The following AK4 variants were observed in gnomAD, a reference collection of about 807,000 sequenced individuals.
AK4 encodes the protein adenylate kinase 4, also known as adenylate kinase 4, mitochondrial.
In AK4, 13 loss-of-function variants were observed where a neutral mutation model predicts 24.6. That is an observed-to-expected ratio of 0.53 (90% confidence interval 0.34 to 0.84). The LOEUF (loss-of-function observed/expected upper bound fraction) is 0.84, where lower values mean the gene tolerates loss of function less well. AK4 is among the 40% of genes least tolerant of loss of function. The probability of loss-of-function intolerance (pLI) is 0.01; values close to 1 mark genes in which losing one functional copy is unlikely to be tolerated. For missense variants in AK4, 192 were observed against 288.2 expected, an observed-to-expected ratio of 0.67 and a Z score of 2.42; for synonymous variants, 88 against 107.0, an observed-to-expected ratio of 0.82 and a Z score of 1.10.
chr1:65,199,276 G>A (rs1015721081), intron 2 of AK4, among the ~76,000 whole-genome samples: 5 of 151,970 alleles, frequency 3.3e-5, no homozygotes, highest in Non-Finnish European at 5.9e-5. Flanking sequence ...TGGGCTGGGT[G>A]CGGTGGCTCA....
At chr1:65,200,792 A>C (rs539571252) in intron 2 of AK4, among the ~76,000 whole-genome samples, 1 of 144,796 alleles carries the variant, frequency 6.9e-6, no homozygotes, top group Non-Finnish European at 1.5e-5. Flanking sequence ...TGGTGTTTTC[A>C]GCTGGGTTTT....
At chr1:65,150,581 C>A (rs546834318) in intron 1 of AK4, among the ~76,000 whole-genome samples, 1 of 152,278 alleles carries the variant, frequency 6.6e-6, no homozygotes, top group South Asian at 2.1e-4. Flanking sequence ...ATCTTATAGG[C>A]TTACTGCCTG....
At chr1:65,174,657 C>T (rs1474812950) in intron 1 of AK4, among the ~76,000 whole-genome samples, 1 of 152,144 alleles carries the variant, frequency 6.6e-6, no homozygotes, top group Non-Finnish European at 1.5e-5. Flanking sequence ...CAAAGAATTA[C>T]GGTGTGAGAG....
At chr1:65,160,841 T>G (rs1650135308) in intron 1 of AK4, among the ~76,000 whole-genome samples, 2 of 152,304 alleles carry the variant, frequency 1.3e-5, no homozygotes, top group Admixed American at 1.3e-4. Flanking sequence ...GTGATCTGCC[T>G]GCATCGGCTT....
chr1:65,205,568 C>T (rs765197697), intron 2 of AK4, among the ~76,000 whole-genome samples: 19 of 152,044 alleles, frequency 1.2e-4, no homozygotes, highest in Non-Finnish European at 2.8e-4. Flanking sequence ...TTTTTTTTCA[C>T]CCCGTATAGA....
intron 2 of AK4, among the ~76,000 whole-genome samples, chr1:65,211,034 A>G (rs192398750): frequency 3.5e-4 from 53 of 152,310 alleles, no homozygotes; most frequent in Admixed American, 7.8e-4. Flanking sequence ...TCATTGCAGT[A>G]TGACTGGAAA....
chr1:65,154,093 TGCCTGCTGTGTGGAGAG>T (rs1649891835), intron 1 of AK4, among the ~76,000 whole-genome samples: 1 of 152,220 alleles, frequency 6.6e-6, no homozygotes, highest in Non-Finnish European at 1.5e-5. Context: ...GTTGATCTTT[TGCCTGCTGTGTGGAGAG>T]GTGACTCAGG....
chr1:65,183,011 T>A (rs1650961148), intron 1 of AK4, among the ~76,000 whole-genome samples: 4 of 152,172 alleles, frequency 2.6e-5, no homozygotes, highest in Admixed American at 2.0e-4. Context: ...TCCCAGTGTT[T>A]AAGACTCTGA....
intron 1 of AK4, among the ~76,000 whole-genome samples, chr1:65,160,818 T>G (rs955935376): frequency 2.0e-5 from 3 of 152,152 alleles, no homozygotes; most frequent in Admixed American, 6.5e-5. Flanking sequence ...TGGTCTTGCA[T>G]TTCTGGCCTC....
chr1:65,163,152 T>G (rs917714384), intron 1 of AK4, among the ~76,000 whole-genome samples: 2 of 152,246 alleles, frequency 1.3e-5, no homozygotes, highest in Non-Finnish European at 2.9e-5. Context: ...GTTCATTTGG[T>G]AACTCGACGT....
intron 2 of AK4, among the ~76,000 whole-genome samples, chr1:65,212,455 G>C (rs1377373947): frequency 6.6e-6 from 1 of 151,922 alleles, no homozygotes; most frequent in Non-Finnish European, 1.5e-5. Context: ...GCTCAGCCTA[G>C]GATCCACCCA....
In AK4 at chr1:65,224,873, G is replaced by A. The variant is rs189529023; in HGVS notation, c.557+3G>A. The A allele has an allele frequency of 1.0e-4, 164 of 1,607,170 alleles. 1 individual carries two copies. In the East Asian group the frequency reaches 3.6e-3, roughly 36 times the overall value. On this transcript the variant is annotated splice_donor_region_variant and intron_variant, in intron 4 of 4. Coordinates refer to ENST00000327299, the MANE Select transcript of AK4 (RefSeq NM_013410.4). ...AAGCCAGTCATTGAATTATACAAGT[G>A]AGTGTGCTTCAATATTTTCATGACA... is the stretch of plus-strand genomic sequence containing the variant.
chr1:65,161,982 T>G (rs1650183229), intron 1 of AK4, among the ~76,000 whole-genome samples: 1 of 152,124 alleles, frequency 6.6e-6, no homozygotes, highest in Admixed American at 6.6e-5. Flanking sequence ...GCACGGTGGT[T>G]CACACCTGTA....
chr1:65,192,825 G>C (rs1651350159), intron 2 of AK4, among the ~76,000 whole-genome samples: 1 of 152,192 alleles, frequency 6.6e-6, no homozygotes, highest in Admixed American at 6.5e-5. Context: ...AAATCCAACA[G>C]GGGAGACATT....
intron 1 of AK4, among the ~76,000 whole-genome samples, chr1:65,175,866 A>G (rs1028440916): frequency 1.0e-3 from 158 of 152,270 alleles, no homozygotes; most frequent in African/African-American, 3.7e-3. Flanking sequence ...CTTCTGTTGC[A>G]TTCATCCCAA....
At position 65,148,271 on chromosome 1, in the gene AK4, C is replaced by T; in HGVS notation, c.-137C>T. ...GTTGTCTTAAAAGTCTCTCCTTCCC[C>T]CTGTAGGGGCGGCCGGCGAGTCCCA... On this transcript the variant is annotated 5_prime_UTR_variant, in exon 1 of 5. Coordinates refer to ENST00000327299, the MANE Select transcript of AK4 (RefSeq NM_013410.4). 8.0e-7 allele frequency: 1 copy of T among 1,253,308 alleles called. No homozygotes were observed. The highest frequency in any genetic ancestry group is 1.1e-6 in the Non-Finnish European group (1 of 931,322). 77.6% of individuals were successfully genotyped at this position (1,253,308 alleles called of 1,614,324 possible). A position where few individuals can be genotyped will look rare whatever the true frequency, so the allele number is the denominator to read the frequency against.
At chr1:65,161,864 A>G (rs1240610288) in intron 1 of AK4, among the ~76,000 whole-genome samples, 1 of 152,186 alleles carries the variant, frequency 6.6e-6, no homozygotes, top group Non-Finnish European at 1.5e-5. Flanking sequence ...AAGAGTGGGA[A>G]GACTACTTGA....
intron 1 of AK4, among the ~76,000 whole-genome samples, chr1:65,155,758 C>T (rs1214684130): frequency 6.6e-6 from 1 of 151,910 alleles, no homozygotes; most frequent in Non-Finnish European, 1.5e-5. Flanking sequence ...CAACCTCCAC[C>T]TCCCGGGTTC....
In AK4 at chr1:65,229,500, C is replaced by T. The variant is rs1418773670; in HGVS notation, c.*3323C>T. On this transcript the variant is annotated 3_prime_UTR_variant, in exon 5 of 5. Coordinates refer to ENST00000327299, the MANE Select transcript of AK4 (RefSeq NM_013410.4). ...AGTGAGCTATGATTGCACCTCTGCACCCAAGCCTGGGCGACACAGCGAGAC... is the reference window on the plus strand; with the variant it reads ...AGTGAGCTATGATTGCACCTCTGCATCCAAGCCTGGGCGACACAGCGAGAC... 2.0e-5 allele frequency: 3 copies of T among 151,684 alleles called. No homozygotes were observed. Among genetic ancestry groups the T allele is most frequent in the African/African-American group, 7.3e-5 (3 of 41,238 alleles). 9.4% of individuals were successfully genotyped at this position (151,684 alleles called of 1,614,324 possible). A position where few individuals can be genotyped will look rare whatever the true frequency, so the allele number is the denominator to read the frequency against.
Sources: allele counts gnomAD v4.1 joint callset (sites outside exome capture counted in the v4.1 genomes callset), GRCh38; gene constraint gnomAD v4.1.1; transcripts MANE v1.5; gene names NCBI Gene and HGNC (gene_info 2026-07-23, HGNC 2026-07-21).